The following ATRNL1 variants were observed in gnomAD, a reference collection of about 807,000 sequenced individuals.
ATRNL1 encodes the protein attractin-like protein 1.
In ATRNL1, 95 loss-of-function variants were observed where a neutral mutation model predicts 182.7. That is an observed-to-expected ratio of 0.52 (90% CI 0.44 to 0.62). The LOEUF is 0.62. Ranked by LOEUF, ATRNL1 falls within the 20% of genes least tolerant of loss-of-function variation. ATRNL1 has a pLI of 0.00. For missense variants in ATRNL1, 1,471 were observed against 1,679.5 expected (o/e 0.88, Z 2.17); for synonymous variants, 576 against 568.3 (o/e 1.01, Z -0.19).
chr10:115,373,772 T>G lies in ATRNL1; in HGVS notation c.3176-20887T>G, dbSNP rs186665890. Among the ~76,000 whole-genome samples, 290 of 151,938 alleles carry G rather than the reference T, an allele frequency of 1.9e-3. 1 individual carries two copies. The highest frequency in any genetic ancestry group is 2.4e-3 in the Non-Finnish European group (162 of 67,818). On this transcript the variant is annotated intron_variant, in intron 19 of 28. Transcript: ENST00000355044. ...TATTGAAATGATTGAGTTTGTTTCA[T>G]AATATTTTGTTGATTTTTTTCATCT...
intron 19 of ATRNL1, among the ~76,000 whole-genome samples, chr10:115,361,642 T>G (rs782003761): frequency 6.6e-6 from 1 of 152,098 alleles, no homozygotes; most frequent in African/African-American, 2.4e-5. Context: ...TTGAGAATCA[T>G]AGAAAAATTG....
chr10:115,427,260 C>T lies in ATRNL1; in HGVS notation c.3322+958C>T, dbSNP rs371781083. ...ATCTTTTCATAGGATTGTTTGCCATCTGTATATTTTATTCGATGAAGGGTC... is the reference window on the plus strand; with the variant it reads ...ATCTTTTCATAGGATTGTTTGCCATTTGTATATTTTATTCGATGAAGGGTC... On this transcript the variant is annotated intron_variant, in intron 21 of 28. Coordinates refer to ENST00000355044, the MANE Select transcript of ATRNL1 (RefSeq NM_207303.4). 6.6e-5 allele frequency among the ~76,000 whole-genome samples: 10 copies of T among 152,206 alleles called. No individual in the cohort carries two copies. The East Asian group carries it at 1.9e-3, about 29-fold the overall frequency.
intron 26 of ATRNL1, among the ~76,000 whole-genome samples, chr10:115,602,221 G>C (rs1193198723): frequency 6.6e-6 from 1 of 152,052 alleles, no homozygotes; most frequent in East Asian, 1.9e-4. Context: ...GGGCATGGTG[G>C]TGGGCACCTA....
intron 28 of ATRNL1, among the ~76,000 whole-genome samples, chr10:115,931,232 C>T (rs1555121545): frequency 5.3e-5 from 8 of 152,048 alleles, no homozygotes. Flanking sequence ...TCCCAAATTA[C>T]TAAACTAAGT....
Position 115,493,303 on chromosome 10 carries a change from TC to T in ATRNL1, c.3654+23977del, listed in dbSNP as rs1177165474. Among the ~76,000 whole-genome samples, 7 of 152,112 alleles carry T rather than the reference TC, an allele frequency of 4.6e-5. 1 individual carries two copies. The highest frequency in any genetic ancestry group is 1.7e-4 in the African/African-American group (7 of 41,432). On this transcript the variant is annotated intron_variant, in intron 24 of 28. Transcript: ENST00000355044. ...TCAGATAGGCCCTTGTGTATATTGT[TC>T]CCTTCTTCATGTCTATGTGTACTCT... is the stretch of plus-strand genomic sequence containing the variant.
intron 25 of ATRNL1, among the ~76,000 whole-genome samples, chr10:115,528,588 G>A (rs1200761423): frequency 6.6e-6 from 1 of 151,592 alleles, no homozygotes. Context: ...TCAACTTTTG[G>A]TATTGTTGAT....
intron 26 of ATRNL1, among the ~76,000 whole-genome samples, chr10:115,700,075 T>C (rs1472953680): frequency 3.3e-5 from 5 of 152,196 alleles, no homozygotes; most frequent in Non-Finnish European, 5.9e-5. Context: ...ACATTTTCTT[T>C]ATTCATCTGT....
intron 18 of ATRNL1, among the ~76,000 whole-genome samples, chr10:115,333,113 G>A (rs983170331): frequency 1.3e-5 from 2 of 152,078 alleles, no homozygotes; most frequent in Non-Finnish European, 2.9e-5. Flanking sequence ...GCAGAATATT[G>A]GCTTTCCTCA....
chr10:115,420,737 A>C (rs1845614450), intron 20 of ATRNL1, among the ~76,000 whole-genome samples: 5 of 152,128 alleles, frequency 3.3e-5, no homozygotes, highest in Admixed American at 3.3e-4. Context: ...TAGAGACTAA[A>C]AATACAAAGC....
At chr10:115,094,121 T>TC (rs1192061563) in intron 1 of ATRNL1, 78 bp downstream of exon 1, 1 of 1,251,530 alleles carries the variant, frequency 8.0e-7, no homozygotes, top group Non-Finnish European at 1.0e-6. Context: ...CCTCGCGGCC[T>TC]CCCCCGCCCC....
At chr10:115,819,202 G>A (rs1341579112) in intron 27 of ATRNL1, among the ~76,000 whole-genome samples, 1 of 151,228 alleles carries the variant, frequency 6.6e-6, no homozygotes, top group Non-Finnish European at 1.5e-5. Context: ...AAGCCCATCA[G>A]CCACCAGCTT....
intron 26 of ATRNL1, among the ~76,000 whole-genome samples, chr10:115,610,809 TTC>T (rs1272132266): frequency 4.6e-5 from 7 of 152,214 alleles, no homozygotes; most frequent in African/African-American, 1.7e-4. Flanking sequence ...CCAAAGTTGA[TTC>T]TGTTTTATTG....
At chr10:115,761,785 T>C (rs1398085428) in intron 27 of ATRNL1, among the ~76,000 whole-genome samples, 1 of 152,198 alleles carries the variant, frequency 6.6e-6, no homozygotes, top group Non-Finnish European at 1.5e-5. Flanking sequence ...TTGAACTTTG[T>C]TTCCTTAAAT....
intron 17 of ATRNL1, among the ~76,000 whole-genome samples, chr10:115,304,895 G>T (rs565537253): frequency 1.3e-5 from 2 of 152,276 alleles, no homozygotes; most frequent in Non-Finnish European, 1.5e-5. Flanking sequence ...TTGGCTCTAA[G>T]AGCTGGGACT....
intron 8 of ATRNL1, among the ~76,000 whole-genome samples, chr10:115,214,400 C>T (rs1213911697): frequency 1.3e-5 from 2 of 151,580 alleles, no homozygotes; most frequent in Non-Finnish European, 2.9e-5. Context: ...TTGGAAATTA[C>T]CTCCAAAATG....
chr10:115,183,712 G>C (rs1435701187), intron 8 of ATRNL1, among the ~76,000 whole-genome samples: 3 of 151,400 alleles, frequency 2.0e-5, no homozygotes, highest in African/African-American at 7.3e-5. Flanking sequence ...TGATACCAGA[G>C]AGTAAATTTA....
At chr10:115,414,714 A>G (rs1341677130) in intron 20 of ATRNL1, among the ~76,000 whole-genome samples, 3 of 151,794 alleles carry the variant, frequency 2.0e-5, no homozygotes, top group Non-Finnish European at 2.9e-5. Flanking sequence ...CTATGTGCGT[A>G]TCTTATATTT....
chr10:115,166,716 A>G (rs1400939895), intron 7 of ATRNL1, among the ~76,000 whole-genome samples: 4 of 151,930 alleles, frequency 2.6e-5, no homozygotes, highest in South Asian at 2.1e-4. Context: ...AGAAATGTCT[A>G]TTCAGGTCTT....
chr10:115,233,127 T>C (rs1022563767), intron 9 of ATRNL1, among the ~76,000 whole-genome samples: 1 of 152,080 alleles, frequency 6.6e-6, no homozygotes, highest in Admixed American at 6.6e-5. Flanking sequence ...TGTGTTTGTA[T>C]GTGTCTGAAC....
Sources: gnomAD v4.1 joint callset for allele counts (sites outside exome capture counted in the v4.1 genomes callset) on GRCh38, gnomAD v4.1.1 for gene constraint, MANE v1.5 for transcripts, NCBI Gene and HGNC (gene_info 2026-07-23, HGNC 2026-07-21) for gene names.